The following DNAH6 variants were observed in gnomAD, a reference collection of about 807,000 sequenced individuals.
DNAH6 encodes dynein axonemal heavy chain 6.
A neutral mutation model predicts 491.4 loss-of-function variants in DNAH6; 340 were observed. The observed-to-expected ratio is 0.69, with a 90% CI of 0.63 to 0.76. The LOEUF is 0.76. Ranked by LOEUF, DNAH6 falls within the 30% of genes least tolerant of loss-of-function variation. The pLI, the probability that DNAH6 is intolerant of heterozygous loss-of-function variation, is 0.00. For synonymous variants in DNAH6, 1,603 were observed against 1,686.1 expected, an observed-to-expected ratio of 0.95 and a Z score of 1.21; for missense variants, 4,443 against 4,972.2, an observed-to-expected ratio of 0.89 and a Z score of 3.20.
chr2:84,741,250 G>T (rs565374516), intron 62 of DNAH6, among the ~76,000 whole-genome samples: 1 of 152,242 alleles, frequency 6.6e-6, no homozygotes, highest in Non-Finnish European at 1.5e-5. Flanking sequence ...GCACAGCTCA[G>T]CACTACATTC....
chr2:84,688,150 A>C (rs974372889), intron 44 of DNAH6, among the ~76,000 whole-genome samples: 2 of 150,994 alleles, frequency 1.3e-5, no homozygotes, highest in African/African-American at 4.9e-5. Context: ...CAGGAAAATC[A>C]CTTGAACCAA....
intron 41 of DNAH6, among the ~76,000 whole-genome samples, chr2:84,680,708 C>A (rs1693698534): frequency 6.6e-6 from 1 of 151,246 alleles, no homozygotes; most frequent in Non-Finnish European, 1.5e-5. Context: ...ATGGAGAGGC[C>A]AGAGTGAAGG....
intron 62 of DNAH6, among the ~76,000 whole-genome samples, chr2:84,741,909 C>A (rs1451791022): frequency 6.6e-6 from 1 of 152,242 alleles, no homozygotes; most frequent in Non-Finnish European, 1.5e-5. Context: ...GATCTTAAAA[C>A]CCTGTTTTGG....
intron 11 of DNAH6, among the ~76,000 whole-genome samples, chr2:84,562,693 C>CTGAAACAAATATGAATTTTTCATA (rs1680798157): frequency 6.6e-6 from 1 of 152,212 alleles, no homozygotes; most frequent in Non-Finnish European, 1.5e-5. Context: ...AAACCAGGCA[C>CTGAAACAAATATGAATTTTTCATA]AGCTTCCAAG....
At chr2:84,474,882 A>G in the DNAH6 span, among the ~76,000 whole-genome samples, 1 of 152,174 alleles carries the variant, frequency 6.6e-6, no homozygotes, top group African/African-American at 2.4e-5. Context: ...TACTGTGCAA[A>G]TAGGTTTTTT....
intron 64 of DNAH6, among the ~76,000 whole-genome samples, chr2:84,769,055 G>T (rs1252735133): frequency 6.6e-6 from 1 of 152,166 alleles, no homozygotes; most frequent in Non-Finnish European, 1.5e-5. Context: ...ACTCATACTT[G>T]GCTCCCAGCC....
At chr2:84,763,991 C>T (rs1009610156) in intron 64 of DNAH6, among the ~76,000 whole-genome samples, 2 of 152,126 alleles carry the variant, frequency 1.3e-5, no homozygotes, top group Non-Finnish European at 2.9e-5. Context: ...GAAGTTCTCT[C>T]TTATTCAGCC....
intron 60 of DNAH6, among the ~76,000 whole-genome samples, chr2:84,725,145 A>G (rs1698510086): frequency 1.3e-5 from 2 of 152,242 alleles, no homozygotes; most frequent in South Asian, 4.1e-4. Context: ...GTGTTTCATG[A>G]ATGAAGAGTC....
intron 45 of DNAH6, among the ~76,000 whole-genome samples, chr2:84,693,445 T>C (rs1272258340): frequency 6.6e-6 from 1 of 152,124 alleles, no homozygotes; most frequent in Non-Finnish European, 1.5e-5. Context: ...ATTGTAGGGC[T>C]TTTCAAAATT....
chr2:84,562,012 A>T (rs1346981604), intron 11 of DNAH6, among the ~76,000 whole-genome samples: 1 of 152,140 alleles, frequency 6.6e-6, no homozygotes, highest in Admixed American at 6.5e-5. Flanking sequence ...CTAAAAAAAG[A>T]TAGATACAAG....
At chr2:84,473,720 C>T in the DNAH6 span, among the ~76,000 whole-genome samples, 34 of 152,062 alleles carry the variant, frequency 2.2e-4, no homozygotes, top group African/African-American at 8.0e-4. Flanking sequence ...GAATTTGAAC[C>T]TTTTGAGGCT....
chr2:84,632,940 C>T (rs1251897538), intron 29 of DNAH6, among the ~76,000 whole-genome samples: 2 of 152,168 alleles, frequency 1.3e-5, no homozygotes, highest in Non-Finnish European at 2.9e-5. Context: ...TTTCTTGAAT[C>T]TTCACCTATT....
At chr2:84,593,063 T>A (rs973839509) in intron 16 of DNAH6, among the ~76,000 whole-genome samples, 1 of 152,174 alleles carries the variant, frequency 6.6e-6, no homozygotes, top group Non-Finnish European at 1.5e-5. Context: ...CACTTAAAAA[T>A]TTATTAAAAG....
At position 84,681,546 on chromosome 2, in the gene DNAH6, C is replaced by T. The variant is rs777142744; in HGVS notation, c.6916+18C>T. The T allele has an allele frequency of 2.4e-5, 36 of 1,493,256 alleles. No individual in the cohort carries two copies. Among genetic ancestry groups the T allele is most frequent in the South Asian group, 2.7e-5 (2 of 73,670 alleles). 92.5% of individuals were successfully genotyped at this position (1,493,256 alleles called of 1,614,324 possible). A position where few individuals can be genotyped will look rare whatever the true frequency, so the allele number is the denominator to read the frequency against. ...TGTGCAAGGTAGTGTACTGAACCCT[C>T]GTTTTCTGATCTGCACCCTCCCTAC... On this transcript the variant is annotated intron_variant, in intron 42 of 76. Coordinates refer to ENST00000389394, the MANE Select transcript of DNAH6 (RefSeq NM_001370.2).
the DNAH6 span, among the ~76,000 whole-genome samples, chr2:84,508,281 C>T: frequency 6.6e-6 from 1 of 152,188 alleles, no homozygotes; most frequent in Admixed American, 6.5e-5. Flanking sequence ...CAACTTCCTC[C>T]AGGTTTAGTC....
rs572297956 is a variant in DNAH6, at chr2:84,621,218, C to T, written c.3820C>T (p.Arg1274Ter). The change falls in exon 25 of 77, where the codon CGA becomes TGA. Residue 1274 changes from arginine to a stop codon, truncating the protein, a stop_gained. Coordinates refer to ENST00000389394, the MANE Select transcript of DNAH6 (RefSeq NM_001370.2). LOFTEE classifies it high-confidence loss of function. ...TAGCTTGGGGAAAGGCCTCAAGGCC[C>T]GAGGCAATGTAGAGGAATGGCTTGG... is the stretch of plus-strand genomic sequence containing the variant. Reference protein sequence around the residue: ...RVSLGKGLKARGNVEEWLGKV... With the variant: ...RVSLGKGLKA 1.0e-5 allele frequency: 16 copies of T among 1,551,544 alleles called. No homozygotes were observed. The highest frequency in any genetic ancestry group is 1.4e-5 in the African/African-American group (1 of 73,148).
rs772834838 is a variant in DNAH6 at position 84,701,305 on chromosome 2, CTA to C, written c.8029_8030del (p.Met2677AlafsTer3). On this transcript the variant is annotated frameshift_variant, in exon 49 of 77. Coordinates refer to ENST00000389394, the MANE Select transcript of DNAH6 (RefSeq NM_001370.2). LOFTEE classifies it high-confidence loss of function. Reference sequence around the variant, plus strand: ...CTGGAGCTTATCAATCTTTACCTGTCTATGCTGTCTGAAAAAAGGAAGCAGAT... The same window carrying C: ...CTGGAGCTTATCAATCTTTACCTGTCTGCTGTCTGAAAAAAGGAAGCAGAT... The C allele has an allele frequency of 6.4e-7, 1 of 1,550,986 alleles. No homozygotes were observed. The highest frequency in any genetic ancestry group is 1.2e-5 in the South Asian group (1 of 83,930).
At chr2:84,623,560 C>T (rs1371544188) in intron 26 of DNAH6, among the ~76,000 whole-genome samples, 1 of 152,074 alleles carries the variant, frequency 6.6e-6, no homozygotes, top group Non-Finnish European at 1.5e-5. Flanking sequence ...AGAGAAAACA[C>T]TCTCATGAAA....
the DNAH6 span, among the ~76,000 whole-genome samples, chr2:84,467,994 C>T: frequency 6.6e-6 from 1 of 151,866 alleles, no homozygotes; most frequent in East Asian, 1.9e-4. Context: ...AAATTGAACA[C>T]TTTTTAAAAG....
Sources: gnomAD v4.1 joint callset for allele counts (sites outside exome capture counted in the v4.1 genomes callset) on GRCh38, gnomAD v4.1.1 for gene constraint, MANE v1.5 for transcripts, NCBI Gene and HGNC (gene_info 2026-07-23, HGNC 2026-07-21) for gene names.